UGT1A10: variants seen among roughly 807,000 people sequenced by gnomAD.
UGT1A10 encodes UDP-glucuronosyltransferase 1A10.
Under a neutral mutation model 45.8 loss-of-function variants are expected in UGT1A10, and 49 were observed. That is an observed-to-expected ratio of 1.07 (90% CI 0.85 to 1.36). The LOEUF (loss-of-function observed/expected upper bound fraction) is 1.36, where lower values mean the gene tolerates loss of function less well. Among genes scored for constraint, UGT1A10 ranks in the 40% most tolerant of loss-of-function variants. The pLI is 0.00. For synonymous variants in UGT1A10, 284 were observed against 249.7 expected (o/e 1.14, Z -1.29); for missense variants, 745 against 668.6 (o/e 1.11, Z -1.26).
At chr2:233,667,129 T>C (rs1047940069) in intron 1 of UGT1A10, among the ~76,000 whole-genome samples, 4 of 152,184 alleles carry the variant, frequency 2.6e-5, no homozygotes, top group Admixed American at 1.3e-4. Flanking sequence ...TGTGTCTTTA[T>C]AGCAGCATGT....
In UGT1A10 at chr2:233,637,324, A is replaced by C; in HGVS notation, c.802A>C (p.Asn268His). The C allele has an allele frequency of 1.2e-6, 2 of 1,614,002 alleles. No homozygotes were observed. The highest frequency in any genetic ancestry group is 1.7e-6 in the Non-Finnish European group (2 of 1,179,854). Residue 268 changes from asparagine (N) to histidine (H), a missense_variant, in exon 1 of 5, where the codon AAC becomes CAC. Transcript: ENST00000344644. ...GGACTATCCCAAACCCGTGATGCCC[A>C]ACATGATCTTCATTGGTGGTATCAA... is the stretch of plus-strand genomic sequence containing the variant. ...VLDYPKPVMPNMIFIGGINCH... is the reference protein window; with the variant it reads ...VLDYPKPVMPHMIFIGGINCH...
intron 1 of UGT1A10, among the ~76,000 whole-genome samples, chr2:233,639,876 A>G (rs964833357): frequency 6.6e-6 from 1 of 152,240 alleles, no homozygotes; most frequent in African/African-American, 2.4e-5. Flanking sequence ...GTGATGTGTA[A>G]ATAATTCAGC....
chr2:233,685,447 A>G (rs1181994431), intron 1 of UGT1A10, among the ~76,000 whole-genome samples: 1 of 152,220 alleles, frequency 6.6e-6, no homozygotes, highest in African/African-American at 2.4e-5. Flanking sequence ...AGCTGAATCT[A>G]CACCATCTAG....
At chr2:233,642,838 T>C (rs1466197647) in intron 1 of UGT1A10, among the ~76,000 whole-genome samples, 2 of 152,208 alleles carry the variant, frequency 1.3e-5, no homozygotes, top group Non-Finnish European at 2.9e-5. Flanking sequence ...ATACTCTTGC[T>C]TTCTTCCCTT....
intron 1 of UGT1A10, chr2:233,693,374 A>C: frequency 1.2e-6 from 2 of 1,614,180 alleles, no homozygotes; most frequent in Non-Finnish European, 1.7e-6. Flanking sequence ...CCTGTACTTC[A>C]TCAACTGCCA....
Position 233,769,296 on chromosome 2 carries a change from A to G in UGT1A10, c.1295+857A>G, listed in dbSNP as rs1325242362. 6.6e-6 allele frequency among the ~76,000 whole-genome samples: 1 copy of G among 152,258 alleles called. No homozygotes were observed. Among genetic ancestry groups the G allele is most frequent in the African/African-American group, 2.4e-5 (1 of 41,468 alleles). ...GGCAAATGATTTCTGGATTAAAGTT[A>G]GTATATTACTGTCAAGCTCACTGGT... On this transcript the variant is annotated intron_variant, in intron 4 of 4. Transcript: ENST00000344644. This position sits in a 1 kb window ranked among gnomAD's most constrained non-coding sequence, Gnocchi z 4.4.
chr2:233,728,928 C>T (rs545859432), intron 1 of UGT1A10, among the ~76,000 whole-genome samples: 7 of 152,102 alleles, frequency 4.6e-5, no homozygotes, highest in African/African-American at 7.2e-5. Context: ...TAGTCATGAT[C>T]GGTCTTTTCC....
chr2:233,663,389 A>G (rs2074013277), intron 1 of UGT1A10, among the ~76,000 whole-genome samples: 1 of 152,072 alleles, frequency 6.6e-6, no homozygotes, highest in Non-Finnish European at 1.5e-5. Context: ...TTGGTCAGGG[A>G]TGAAATCTTA....
At chr2:233,685,553 A>G (rs1031439132) in intron 1 of UGT1A10, among the ~76,000 whole-genome samples, 1 of 152,206 alleles carries the variant, frequency 6.6e-6, no homozygotes, top group Non-Finnish European at 1.5e-5. Flanking sequence ...TTTTTGATCC[A>G]AATTCAAATT....
At chr2:233,689,119 C>A (rs1178609064) in intron 1 of UGT1A10, among the ~76,000 whole-genome samples, 3 of 152,204 alleles carry the variant, frequency 2.0e-5, no homozygotes, top group African/African-American at 7.2e-5. Flanking sequence ...GGAACCACAA[C>A]CCACATTGTT....
At chr2:233,740,403 G>A (rs1262585608) in intron 1 of UGT1A10, among the ~76,000 whole-genome samples, 1 of 151,904 alleles carries the variant, frequency 6.6e-6, no homozygotes, top group Non-Finnish European at 1.5e-5. Context: ...TCCCAAAATG[G>A]GGAAGTCTCT....
At position 233,767,975 on chromosome 2, in the gene UGT1A10, T is replaced by A. The variant is rs772516341; in HGVS notation, c.1075+39T>A. The A allele has an allele frequency of 6.2e-6, 10 of 1,614,016 alleles. No homozygotes were observed. The African/African-American group carries it at 1.3e-4, about 22-fold the overall frequency. On this transcript the variant is annotated intron_variant, in intron 3 of 4. Transcript: ENST00000344644. ...ATTGGATGTATAGGTCAAACCAGGGTCAAATTAAGAAAATGGCTTAAGCAC... is the reference window on the plus strand; with the variant it reads ...ATTGGATGTATAGGTCAAACCAGGGACAAATTAAGAAAATGGCTTAAGCAC...
At chr2:233,645,030 G>T (rs113127669) in intron 1 of UGT1A10, among the ~76,000 whole-genome samples, 144 of 152,234 alleles carry the variant, frequency 9.5e-4, no homozygotes, top group African/African-American at 3.4e-3. Flanking sequence ...GGAGCAGGTA[G>T]ACCACTTTGA....
chr2:233,701,911 A>G (rs2075659701), intron 1 of UGT1A10, among the ~76,000 whole-genome samples: 1 of 152,188 alleles, frequency 6.6e-6, no homozygotes, highest in African/African-American at 2.4e-5. Flanking sequence ...TAAAATTGAC[A>G]CCCTAACATC....
At position 233,744,814 on chromosome 2, in the gene UGT1A10, C is replaced by T. The variant is rs571865422; in HGVS notation, c.856-22220C>T. 9.2e-5 allele frequency among the ~76,000 whole-genome samples: 14 copies of T among 152,002 alleles called. No individual in the cohort carries two copies. In the East Asian group the frequency reaches 9.6e-4, roughly 10 times the overall value. On this transcript the variant is annotated intron_variant, in intron 1 of 4. Transcript: ENST00000344644. ...CTTGGGGATCCCTAGGATTTCCTGG[C>T]TCATACTTTGAGAATCGCTAGTCTA...
intron 1 of UGT1A10, chr2:233,729,873 C>G: frequency 2.5e-6 from 4 of 1,613,864 alleles, no homozygotes; most frequent in Non-Finnish European, 3.4e-6. Context: ...TGGATATTCT[C>G]AGTCATGCAT....
At chr2:233,729,148 C>T (rs1366354347) in intron 1 of UGT1A10, 5 of 1,613,474 alleles carry the variant, frequency 3.1e-6, no homozygotes, top group Non-Finnish European at 4.2e-6. Context: ...ACTCCAGGTT[C>T]CCCTGCCGTG....
chr2:233,753,085 C>T (rs1365560580), intron 1 of UGT1A10: 1 of 152,188 alleles, frequency 6.6e-6, no homozygotes, highest in Non-Finnish European at 1.5e-5. Flanking sequence ...CCTTTTATTC[C>T]TGAACGGCTC....
At chr2:233,639,403 A>C (rs1384396252) in intron 1 of UGT1A10, among the ~76,000 whole-genome samples, 1 of 152,202 alleles carries the variant, frequency 6.6e-6, no homozygotes, top group Non-Finnish European at 1.5e-5. Context: ...GCCCAACCAC[A>C]AAAGTAAAAG....
Sources: gnomAD v4.1 joint callset for allele counts (sites outside exome capture counted in the v4.1 genomes callset) on GRCh38, gnomAD v4.1.1 for gene constraint, Gnocchi (gnomAD v3.1) non-coding constraint, MANE v1.5 for transcripts, NCBI Gene and HGNC (gene_info 2026-07-23, HGNC 2026-07-21) for gene names.